The following CFAP61 variants were observed in gnomAD, a reference collection of about 807,000 sequenced individuals.
CFAP61 encodes cilia and flagella associated protein 61.
Under a neutral mutation model 135.6 loss-of-function variants are expected in CFAP61, and 107 were observed. That is an observed-to-expected ratio of 0.79 (90% CI 0.67 to 0.93). The LOEUF (loss-of-function observed/expected upper bound fraction) is 0.93, where lower values mean the gene tolerates loss of function less well. Among genes scored for constraint, CFAP61 ranks in the 40% least tolerant of loss-of-function variants. The pLI is 0.00. For synonymous variants in CFAP61, 575 were observed against 578.5 expected (o/e 0.99, Z 0.09); for missense variants, 1,507 against 1,556.2 (o/e 0.97, Z 0.53).
intron 25 of CFAP61, among the ~76,000 whole-genome samples, chr20:20,302,718 T>G (rs945354560): frequency 6.6e-6 from 1 of 152,168 alleles, no homozygotes; most frequent in Non-Finnish European, 1.5e-5. Flanking sequence ...CTTGCCCCAT[T>G]CTTAATTTGA....
At chr20:20,255,321 A>G (rs1052879329) in intron 20 of CFAP61, among the ~76,000 whole-genome samples, 2 of 152,200 alleles carry the variant, frequency 1.3e-5, no homozygotes, top group African/African-American at 4.8e-5. Flanking sequence ...GGAACCTCAT[A>G]AAGAGGAAGA....
chr20:20,298,534 C>A lies in CFAP61; in HGVS notation c.3422+148C>A. The A allele has an allele frequency of 8.6e-6, 6 of 694,580 alleles. No homozygotes were observed. In the South Asian group the frequency reaches 1.1e-4, roughly 13 times the overall value. The allele number at this position is 694,580 out of a possible 1,614,324, so 43.0% of individuals were successfully genotyped here. On this transcript the variant is annotated intron_variant, in intron 25 of 26. Transcript: ENST00000245957. ...GCAGAGATTTCGTTCTAATGAAGAA[C>A]ACCTGACGCTAATGTGGGCTGGGGA...
intron 19 of CFAP61, among the ~76,000 whole-genome samples, chr20:20,248,578 G>A (rs938159185): frequency 5.3e-5 from 8 of 152,228 alleles, no homozygotes; most frequent in African/African-American, 1.9e-4. Context: ...GAAGGAACAG[G>A]AGGCAGGAGA....
At chr20:20,177,461 A>G (rs2054716741) in intron 13 of CFAP61, among the ~76,000 whole-genome samples, 1 of 151,796 alleles carries the variant, frequency 6.6e-6, no homozygotes. Context: ...CCATCCTGAA[A>G]TTGACGTCGA....
At chr20:20,085,606 C>T (rs553839889) in intron 6 of CFAP61, 68 of 979,066 alleles carry the variant, frequency 6.9e-5, no homozygotes, top group African/African-American at 3.5e-4. Context: ...CTGGGTCTTT[C>T]GGAACCTTTA....
intron 8 of CFAP61, among the ~76,000 whole-genome samples, chr20:20,105,099 G>A (rs531226455): frequency 5.9e-5 from 9 of 152,022 alleles, no homozygotes; most frequent in South Asian, 4.1e-4. Flanking sequence ...ATAGGGGGGC[G>A]GTATGTGTTC....
chr20:20,190,602 C>G (rs11907365), intron 14 of CFAP61, among the ~76,000 whole-genome samples: 48,940 of 151,776 alleles, frequency 0.32, 8,161 homozygotes, highest in African/African-American at 0.4. Flanking sequence ...ACACACACCC[C>G]CACAATTGTA....
chr20:20,181,457 C>G (rs1019800588), intron 13 of CFAP61, among the ~76,000 whole-genome samples: 11 of 151,960 alleles, frequency 7.2e-5, no homozygotes, highest in African/African-American at 2.7e-4. Flanking sequence ...CAGCCAAAAA[C>G]AGGAAGAAGC....
intron 13 of CFAP61, among the ~76,000 whole-genome samples, chr20:20,186,509 T>C (rs1337954158): frequency 1.3e-5 from 2 of 152,334 alleles, no homozygotes; most frequent in East Asian, 3.9e-4. Flanking sequence ...TGTGGACATA[T>C]GTTTTTAATT....
At chr20:20,314,693 C>T (rs1403615913) in intron 25 of CFAP61, among the ~76,000 whole-genome samples, 3 of 125,844 alleles carry the variant, frequency 2.4e-5, no homozygotes, top group African/African-American at 9.0e-5. Flanking sequence ...CCCACCCCCC[C>T]ACCCCACAAC....
chr20:20,243,216 A>C (rs1188865545), intron 18 of CFAP61, among the ~76,000 whole-genome samples: 2 of 152,078 alleles, frequency 1.3e-5, no homozygotes, highest in African/African-American at 2.4e-5. Context: ...TCGTGAGACT[A>C]ATTCACTATC....
chr20:20,212,923 G>A (rs1440387369), intron 17 of CFAP61, among the ~76,000 whole-genome samples: 1 of 152,188 alleles, frequency 6.6e-6, no homozygotes, highest in Non-Finnish European at 1.5e-5. Flanking sequence ...TGTTCTAGTT[G>A]GAGCAGCAGA....
In CFAP61 at chr20:20,260,584, G is replaced by A. The variant is rs533548836; in HGVS notation, c.2329-2372G>A. On this transcript the variant is annotated intron_variant, in intron 20 of 26. Coordinates refer to ENST00000245957, the MANE Select transcript of CFAP61 (RefSeq NM_015585.4). ...ATGCAAAACAACTCTACACATTTAA[G>A]TGCACACAAGAATTATGTGGATTAT... Among the ~76,000 whole-genome samples, 39 of 152,304 alleles carry A rather than the reference G, an allele frequency of 2.6e-4. No homozygotes were observed. The South Asian group carries it at 2.7e-3, about 11-fold the overall frequency.
At chr20:20,265,468 G>A (rs763737361) in intron 21 of CFAP61, 10 of 779,672 alleles carry the variant, frequency 1.3e-5, no homozygotes, top group Non-Finnish European at 2.2e-5. Context: ...GTCAGGGATG[G>A]TGATGCTGTG....
intron 19 of CFAP61, among the ~76,000 whole-genome samples, chr20:20,248,141 G>GA (rs1278928909): frequency 6.6e-6 from 1 of 152,138 alleles, no homozygotes; most frequent in Non-Finnish European, 1.5e-5. Context: ...TGGAACAGAG[G>GA]AAAGTTACCT....
chr20:20,083,412 G>A (rs2046572461), intron 6 of CFAP61, among the ~76,000 whole-genome samples: 2 of 151,964 alleles, frequency 1.3e-5, no homozygotes, highest in Admixed American at 6.6e-5. Flanking sequence ...TCAGGTGATG[G>A]GTGCACTAAA....
intron 24 of CFAP61, among the ~76,000 whole-genome samples, chr20:20,297,014 A>C (rs1162683523): frequency 6.6e-6 from 1 of 151,610 alleles, no homozygotes; most frequent in Non-Finnish European, 1.5e-5. Flanking sequence ...CCCCAACCCC[A>C]CTTGCTCCTC....
intron 8 of CFAP61, among the ~76,000 whole-genome samples, chr20:20,140,837 G>T (rs1244937749): frequency 6.6e-6 from 1 of 151,644 alleles, no homozygotes; most frequent in Admixed American, 6.6e-5. Context: ...TGATAGACTG[G>T]ATTAAGAAAA....
intron 8 of CFAP61, among the ~76,000 whole-genome samples, chr20:20,105,185 C>G (rs1004757429): frequency 6.6e-6 from 1 of 152,132 alleles, no homozygotes; most frequent in African/African-American, 2.4e-5. Flanking sequence ...AAGCCGCACC[C>G]ACCCAACCTT....
Sources: allele counts gnomAD v4.1 joint callset (sites outside exome capture counted in the v4.1 genomes callset), GRCh38; gene constraint gnomAD v4.1.1; transcripts MANE v1.5; gene names NCBI Gene and HGNC (gene_info 2026-07-23, HGNC 2026-07-21).